Variants in TTC17 observed in about 807,000 individuals in gnomAD.
The protein encoded by TTC17 is tetratricopeptide repeat protein 17.
In TTC17, 58 loss-of-function variants were observed where a neutral mutation model predicts 143.8. The ratio of observed to expected loss-of-function variants is 0.40; its 90% confidence interval spans 0.33 to 0.50. The LOEUF is 0.50. Among genes scored for constraint, TTC17 ranks in the 20% least tolerant of loss-of-function variants. The pLI, the probability that TTC17 is intolerant of heterozygous loss-of-function variation, is 0.49. For synonymous variants in TTC17, 501 were observed against 497.8 expected (o/e 1.01, Z -0.09); for missense variants, 1,273 against 1,392.5 (o/e 0.91, Z 1.37).
chr11:43,407,057 A>G, intron 13 of TTC17, 81 bp from the exon 14 acceptor site: 1 of 886,718 alleles, frequency 1.1e-6, no homozygotes, highest in Non-Finnish European at 1.7e-6. Context: ...AGCTTAAGAA[A>G]AGACTGCCAT....
chr11:43,461,300 C>T (rs983208745), intron 21 of TTC17, among the ~76,000 whole-genome samples: 2 of 145,074 alleles, frequency 1.4e-5, no homozygotes, highest in African/African-American at 5.1e-5. Context: ...AGGAGAATGG[C>T]GTGAACCCGG....
intron 2 of TTC17, among the ~76,000 whole-genome samples, chr11:43,388,974 CAAA>C (rs760116786): frequency 3.3e-5 from 4 of 119,866 alleles, no homozygotes; most frequent in African/African-American, 6.2e-5. Flanking sequence ...GACCCTGTCT[CAAA>C]AAAAAAAAAA....
chr11:43,449,547 C>CG, intron 19 of TTC17: 1 of 152,230 alleles, frequency 6.6e-6, no homozygotes, highest in Non-Finnish European at 1.5e-5. Context: ...CAGGGACTAA[C>CG]TATGTTGTTT....
chr11:43,378,144 C>G (rs968698532), intron 1 of TTC17, among the ~76,000 whole-genome samples: 5 of 152,188 alleles, frequency 3.3e-5, no homozygotes, highest in African/African-American at 1.2e-4. Context: ...CTCAGGTGAT[C>G]CACCTGCCTC....
chr11:43,436,270 A>G (rs1180948511), intron 16 of TTC17: 7 of 1,437,012 alleles, frequency 4.9e-6, no homozygotes, highest in Non-Finnish European at 5.5e-6. Context: ...AGAGAGGAAC[A>G]GAGGAGGACC....
chr11:43,463,541 T>C (rs1451241806), intron 21 of TTC17, among the ~76,000 whole-genome samples: 2 of 152,060 alleles, frequency 1.3e-5, no homozygotes, highest in African/African-American at 4.8e-5. Context: ...TTAAAACTCT[T>C]CTGAAAAATA....
intron 16 of TTC17, among the ~76,000 whole-genome samples, chr11:43,437,929 A>G (rs547995102): frequency 5.1e-4 from 78 of 152,340 alleles, no homozygotes; most frequent in Non-Finnish European, 8.4e-4. Flanking sequence ...GGTGGCAACA[A>G]ATACTTATGA....
intron 21 of TTC17, among the ~76,000 whole-genome samples, chr11:43,462,681 A>G (rs1947890623): frequency 6.6e-6 from 1 of 152,210 alleles, no homozygotes; most frequent in Admixed American, 6.5e-5. Flanking sequence ...AGTAATATAG[A>G]TTTAATTCAC....
chr11:43,380,714 G>T (rs977130446), intron 2 of TTC17, among the ~76,000 whole-genome samples: 26 of 152,186 alleles, frequency 1.7e-4, no homozygotes, highest in African/African-American at 5.3e-4. Context: ...TTAAGAGAGA[G>T]AAGACTTTAG....
intron 21 of TTC17, among the ~76,000 whole-genome samples, chr11:43,488,968 C>G (rs1185656745): frequency 6.6e-6 from 1 of 152,144 alleles, no homozygotes; most frequent in African/African-American, 2.4e-5. Flanking sequence ...CGTGAGCCAC[C>G]AAGCCTGGCC....
intron 21 of TTC17, among the ~76,000 whole-genome samples, chr11:43,457,491 A>G (rs1436653767): frequency 2.0e-5 from 3 of 152,188 alleles, no homozygotes; most frequent in African/African-American, 7.2e-5. Context: ...TGCAGACAAT[A>G]GGAGTAGATT....
At chr11:43,430,332 G>A (rs546049225) in intron 16 of TTC17, among the ~76,000 whole-genome samples, 14 of 152,296 alleles carry the variant, frequency 9.2e-5, no homozygotes, top group African/African-American at 3.4e-4. Flanking sequence ...AGAGGCTGAG[G>A]TGGGAGGATG....
chr11:43,468,028 T>C (rs1279988668), intron 21 of TTC17: 1 of 152,144 alleles, frequency 6.6e-6, no homozygotes, highest in Non-Finnish European at 1.5e-5. Flanking sequence ...TCCACAGATT[T>C]AAATACAAAG....
At chr11:43,360,225 T>A (rs1048110679) in intron 1 of TTC17, among the ~76,000 whole-genome samples, 1 of 152,156 alleles carries the variant, frequency 6.6e-6, no homozygotes, top group Non-Finnish European at 1.5e-5. Context: ...GTAAGTTAAG[T>A]ATAACTAAAA....
chr11:43,477,353 G>A (rs922665831), intron 21 of TTC17, among the ~76,000 whole-genome samples: 5 of 152,114 alleles, frequency 3.3e-5, no homozygotes, highest in Non-Finnish European at 7.4e-5. Context: ...CACATTTTCA[G>A]GTATCTTTTC....
intron 10 of TTC17, among the ~76,000 whole-genome samples, chr11:43,403,403 A>T (rs1857960774): frequency 6.6e-6 from 1 of 152,116 alleles, no homozygotes. Context: ...TTATCTAGCA[A>T]GGTTTCAGAA....
At chr11:43,409,417 A>G (rs920500159) in intron 15 of TTC17, among the ~76,000 whole-genome samples, 3 of 152,242 alleles carry the variant, frequency 2.0e-5, no homozygotes, top group Non-Finnish European at 4.4e-5. Flanking sequence ...TTGGGCCAGT[A>G]TATATTGCCA....
intron 16 of TTC17, chr11:43,436,373 A>G (rs1352578280): frequency 8.1e-7 from 1 of 1,240,606 alleles, no homozygotes; most frequent in Non-Finnish European, 1.0e-6. Context: ...CTGGGGAAAA[A>G]TCAACTCTCA....
chr11:43,384,043 G>A (rs1293852386), intron 2 of TTC17, among the ~76,000 whole-genome samples: 1 of 151,980 alleles, frequency 6.6e-6, no homozygotes, highest in Non-Finnish European at 1.5e-5. Context: ...TACTGGGGAG[G>A]CTGAGGCAGG....
Sources: gnomAD v4.1 joint callset for allele counts (sites outside exome capture counted in the v4.1 genomes callset) on GRCh38, gnomAD v4.1.1 for gene constraint, MANE v1.5 for transcripts, NCBI Gene and HGNC (gene_info 2026-07-23, HGNC 2026-07-21) for gene names.